The following BARX2 variants were observed in gnomAD, a reference collection of about 807,000 sequenced individuals.
BARX2 encodes homeobox protein BarH-like 2.
Under a neutral mutation model 25.5 loss-of-function variants are expected in BARX2, and 11 were observed. The ratio of observed to expected loss-of-function variants is 0.43; its 90% CI spans 0.27 to 0.71. BARX2 has a LOEUF of 0.71. Among genes scored for constraint, BARX2 ranks in the 30% least tolerant of loss-of-function variants. BARX2 has a pLI of 0.19. For synonymous variants in BARX2, 137 were observed against 149.5 expected (o/e 0.92, Z 0.61); for missense variants, 360 against 359.9 (o/e 1.00, Z 0.00).
At chr11:129,413,049 G>C (rs896957978) in intron 1 of BARX2, among the ~76,000 whole-genome samples, 1 of 148,092 alleles carries the variant, frequency 6.8e-6, no homozygotes, top group African/African-American at 2.6e-5. Context: ...TTTGGAAAAA[G>C]TTTCTAGCTG....
chr11:129,428,705 T>C (rs895521616), intron 1 of BARX2, among the ~76,000 whole-genome samples: 3 of 152,182 alleles, frequency 2.0e-5, no homozygotes, highest in African/African-American at 7.2e-5. Context: ...CAACTCCCAT[T>C]CCAGCCGTGC....
At chr11:129,408,899 A>G (rs1861858960) in intron 1 of BARX2, among the ~76,000 whole-genome samples, 1 of 152,218 alleles carries the variant, frequency 6.6e-6, no homozygotes, top group Non-Finnish European at 1.5e-5. Context: ...ACTATTTATT[A>G]CATGAGAAGG....
chr11:129,404,351 T>C (rs1470682140), intron 1 of BARX2, among the ~76,000 whole-genome samples: 1 of 152,246 alleles, frequency 6.6e-6, no homozygotes, highest in Admixed American at 6.5e-5. Flanking sequence ...TGGGACTCAG[T>C]ATCACTCCAT....
At chr11:129,380,508 T>C (rs1861551542) in intron 1 of BARX2, among the ~76,000 whole-genome samples, 1 of 152,116 alleles carries the variant, frequency 6.6e-6, no homozygotes, top group African/African-American at 2.4e-5. Context: ...CCCAAACTCA[T>C]AGGATCTTAG....
intron 1 of BARX2, among the ~76,000 whole-genome samples, chr11:129,410,737 C>T (rs1334865099): frequency 6.6e-6 from 1 of 152,138 alleles, no homozygotes; most frequent in Non-Finnish European, 1.5e-5. Flanking sequence ...AGTTTTCTGC[C>T]AGCAGGTGGG....
Position 129,437,484 on chromosome 11 carries a change from G to A in BARX2, c.488+433G>A, listed in dbSNP as rs146711470. On this transcript the variant is annotated intron_variant, in intron 2 of 3. Coordinates refer to ENST00000281437, the MANE Select transcript of BARX2 (RefSeq NM_003658.5). ...CTCCAGCTGATTCCCCACTGACTCA[G>A]TTTGCTGGCCTGGCTATTGCTTGGG... 46 of 989,644 alleles carry A rather than the reference G, an allele frequency of 4.6e-5. No homozygotes were observed. In the East Asian group the frequency reaches 4.3e-3, roughly 92 times the overall value. 61.3% of individuals were successfully genotyped at this position (989,644 alleles called of 1,614,324 possible).
chr11:129,414,082 G>C (rs1165948776), intron 1 of BARX2, among the ~76,000 whole-genome samples: 1 of 149,606 alleles, frequency 6.7e-6, no homozygotes. Flanking sequence ...AAAAAAGAGA[G>C]AGCGGACAGT....
intron 1 of BARX2, among the ~76,000 whole-genome samples, chr11:129,425,499 T>A (rs560167528): frequency 6.6e-6 from 1 of 152,306 alleles, no homozygotes; most frequent in African/African-American, 2.4e-5. Context: ...ATGTGCTAAC[T>A]GGCCAATGGA....
At chr11:129,418,104 T>C (rs181674587) in intron 1 of BARX2, among the ~76,000 whole-genome samples, 2 of 152,324 alleles carry the variant, frequency 1.3e-5, no homozygotes, top group African/African-American at 4.8e-5. Flanking sequence ...TTTTGCACTT[T>C]GTTTTGTACC....
At chr11:129,439,368 T>C (rs979702055) in intron 2 of BARX2, among the ~76,000 whole-genome samples, 6 of 152,108 alleles carry the variant, frequency 3.9e-5, no homozygotes, top group African/African-American at 1.4e-4. Flanking sequence ...CATGGTGGTT[T>C]ACTGCACCCA....
rs183152738 is a variant in BARX2, at chr11:129,445,768, G to C, written c.573+2849G>C. 2.1e-3 allele frequency among the ~76,000 whole-genome samples: 318 copies of C among 152,292 alleles called. 4 individuals are homozygous for C. The highest frequency in any genetic ancestry group is 7.3e-3 in the African/African-American group (304 of 41,558). The stretch of plus-strand genomic sequence containing the variant: ...TGCAAACTGGTATTATTATTTCACG[G>C]AGCGGTCAGGGCAGCAGCAGGGAAA... On this transcript the variant is annotated intron_variant, in intron 3 of 3. Coordinates refer to ENST00000281437, the MANE Select transcript of BARX2 (RefSeq NM_003658.5).
At chr11:129,386,922 G>GGA (rs745358642) in intron 1 of BARX2, among the ~76,000 whole-genome samples, 4 of 152,330 alleles carry the variant, frequency 2.6e-5, no homozygotes, top group Non-Finnish European at 5.9e-5. Flanking sequence ...TTAAAGCTCT[G>GGA]GAGGGGGGCC....
At chr11:129,383,115 A>G (rs192471205) in intron 1 of BARX2, among the ~76,000 whole-genome samples, 12 of 152,364 alleles carry the variant, frequency 7.9e-5, no homozygotes, top group African/African-American at 2.6e-4. Context: ...CTCTCCAGGA[A>G]GAGAGGTGTT....
At chr11:129,444,267 A>G (rs1379709275) in intron 3 of BARX2, among the ~76,000 whole-genome samples, 1 of 152,222 alleles carries the variant, frequency 6.6e-6, no homozygotes, top group Admixed American at 6.5e-5. Context: ...ATGAACATCA[A>G]TGGGAAAAAT....
chr11:129,448,159 A>G (rs1862353410), intron 3 of BARX2, among the ~76,000 whole-genome samples: 1 of 152,234 alleles, frequency 6.6e-6, no homozygotes, highest in South Asian at 2.1e-4. Flanking sequence ...AAAATGAATC[A>G]TCATCTAAAT....
Position 129,451,308 on chromosome 11 carries a change from C to T in BARX2, c.746C>T (p.Pro249Leu), listed in dbSNP as rs148675839. 277 of 1,614,122 alleles carry T rather than the reference C, an allele frequency of 1.7e-4. No homozygotes were observed. Among genetic ancestry groups the T allele is most frequent in the Middle Eastern group, 1.7e-4 (1 of 6,060 alleles). ...GAGGAGCTCTGTGAAGCACAGGAAC[C>T]GAAAGCACGTGATGTCCCCTTAGAG... ...GQEELCEAQEPKARDVPLEMA... is the reference protein window; with the variant it reads ...GQEELCEAQELKARDVPLEMA... The change falls in exon 4 of 4, where the codon CCG (proline) becomes CTG (leucine). Residue 249 changes from proline (P) to leucine (L), a missense_variant. Coordinates refer to ENST00000281437, the MANE Select transcript of BARX2 (RefSeq NM_003658.5).
At chr11:129,408,020 C>CAA (rs59310534) in intron 1 of BARX2, among the ~76,000 whole-genome samples, 1,224 of 46,410 alleles carry the variant, frequency 0.026, 111 homozygotes, top group Admixed American at 0.06. Flanking sequence ...GACTCCGTCT[C>CAA]AAAAAAAAAA....
In BARX2 at chr11:129,390,003, G is replaced by A. The variant is rs1007964912; in HGVS notation, c.187+13781G>A. Among the ~76,000 whole-genome samples, 2 of 152,210 alleles carry A rather than the reference G, an allele frequency of 1.3e-5. No homozygotes were observed. Among genetic ancestry groups the A allele is most frequent in the African/African-American group, 4.8e-5 (2 of 41,444 alleles). On this transcript the variant is annotated intron_variant, in intron 1 of 3. Coordinates refer to ENST00000281437, the MANE Select transcript of BARX2 (RefSeq NM_003658.5). The surrounding 1 kb of genome is among the most constrained non-coding windows in gnomAD (Gnocchi z 4.3). ...TCACGTGGAGGAACTGCCTGAGGAA[G>A]AGTTCCATGTGGATTTTTTTGGGAT...
At chr11:129,411,293 T>A (rs960819592) in intron 1 of BARX2, among the ~76,000 whole-genome samples, 2 of 143,386 alleles carry the variant, frequency 1.4e-5, no homozygotes, top group Non-Finnish European at 3.0e-5. Flanking sequence ...ATGGCGTGAA[T>A]CCGGGAAGCA....
Sources: gnomAD v4.1 joint callset for allele counts (sites outside exome capture counted in the v4.1 genomes callset) on GRCh38, gnomAD v4.1.1 for gene constraint, Gnocchi (gnomAD v3.1) non-coding constraint, MANE v1.5 for transcripts, NCBI Gene and HGNC (gene_info 2026-07-23, HGNC 2026-07-21) for gene names.